GPHN: variants seen among roughly 807,000 people sequenced by gnomAD.
GPHN encodes gephyrin.
A neutral mutation model predicts 95.5 loss-of-function variants in GPHN; 17 were observed. The observed-to-expected ratio is 0.18, with a 90% CI of 0.12 to 0.27. The LOEUF is 0.27. Ranked by LOEUF, GPHN falls within the 10% of genes least tolerant of loss-of-function variation. The pLI is 1.00. For synonymous variants in GPHN, 320 were observed against 322.5 expected (o/e 0.99, Z 0.08); for missense variants, 660 against 978.1 (o/e 0.67, Z 4.34).
intron 2 of GPHN, among the ~76,000 whole-genome samples, chr14:66,731,195 T>G (rs1595718925): frequency 6.6e-6 from 1 of 152,198 alleles, no homozygotes; most frequent in African/African-American, 2.4e-5. Context: ...TTTATAGCAG[T>G]GTGAGAACAG....
the GPHN span, chr14:67,200,081 T>G: frequency 1.0e-6 from 1 of 976,908 alleles, no homozygotes; most frequent in Admixed American, 2.5e-5. Flanking sequence ...CCACCTGGAA[T>G]GCCTTATCCT....
At chr14:67,731,439 T>A in the GPHN span, among the ~76,000 whole-genome samples, 1 of 151,914 alleles carries the variant, frequency 6.6e-6, no homozygotes, top group African/African-American at 2.4e-5. Flanking sequence ...GGTCTTGAAC[T>A]CCTGACCTCA....
chr14:67,387,992 C>G, the GPHN span, among the ~76,000 whole-genome samples: 1 of 152,190 alleles, frequency 6.6e-6, no homozygotes. Flanking sequence ...GCCATCAGCA[C>G]AGAAACTGAG....
the GPHN span, among the ~76,000 whole-genome samples, chr14:67,484,819 C>G: frequency 6.6e-6 from 1 of 152,148 alleles, no homozygotes; most frequent in South Asian, 2.1e-4. Flanking sequence ...TACCATTTCT[C>G]CTTTGCAATA....
At chr14:67,147,245 A>C (rs1253957174) in intron 18 of GPHN, among the ~76,000 whole-genome samples, 2 of 152,174 alleles carry the variant, frequency 1.3e-5, no homozygotes, top group Non-Finnish European at 2.9e-5. Flanking sequence ...TTATTGTTTG[A>C]TATCTCAATA....
At chr14:66,866,650 C>A (rs961653375) in intron 4 of GPHN, among the ~76,000 whole-genome samples, 1 of 152,112 alleles carries the variant, frequency 6.6e-6, no homozygotes, top group Admixed American at 6.5e-5. Flanking sequence ...TTAGCAAATA[C>A]AGTGAGATTT....
At chr14:66,895,269 G>A (rs1032268104) in intron 5 of GPHN, among the ~76,000 whole-genome samples, 103 of 150,880 alleles carry the variant, frequency 6.8e-4, no homozygotes, top group African/African-American at 2.4e-3. Context: ...CAAAAAACCA[G>A]ACACCGCATG....
At chr14:66,796,360 A>G (rs950174345) in intron 3 of GPHN, among the ~76,000 whole-genome samples, 5 of 151,930 alleles carry the variant, frequency 3.3e-5, no homozygotes, top group African/African-American at 9.7e-5. Flanking sequence ...TGCTAATGCT[A>G]CAACTAATGC....
chr14:67,230,502 G>A, the GPHN span, among the ~76,000 whole-genome samples: 1 of 152,060 alleles, frequency 6.6e-6, no homozygotes, highest in Non-Finnish European at 1.5e-5. Context: ...AGCTCAGGAG[G>A]TCGAGGCTGC....
chr14:67,723,427 G>A, the GPHN span, among the ~76,000 whole-genome samples: 1 of 152,152 alleles, frequency 6.6e-6, no homozygotes, highest in East Asian at 1.9e-4. Flanking sequence ...GGAGATGGGG[G>A]TCTCACTATG....
At chr14:66,543,744 G>A (rs990550463) in intron 1 of GPHN, among the ~76,000 whole-genome samples, 5 of 152,010 alleles carry the variant, frequency 3.3e-5, no homozygotes, top group Non-Finnish European at 5.9e-5. Context: ...TCAAAATGAC[G>A]ATCAAACCAT....
At chr14:67,333,130 G>T in the GPHN span, 2 of 550,086 alleles carry the variant, frequency 3.6e-6, no homozygotes, top group Non-Finnish European at 6.3e-6. Context: ...GGCAGTTTGT[G>T]CATGGCATCC....
chr14:67,392,703 C>A, the GPHN span: 1 of 1,614,096 alleles, frequency 6.2e-7, no homozygotes. Flanking sequence ...AACTGCTCGG[C>A]CAGATCCCCA....
chr14:67,562,261 T>C, the GPHN span: 1 of 1,613,090 alleles, frequency 6.2e-7, no homozygotes, highest in South Asian at 1.1e-5. Flanking sequence ...AGGCCCAGGG[T>C]CTGAAGGCAG....
chr14:67,312,806 A>C, the GPHN span: 1 of 964,700 alleles, frequency 1.0e-6, no homozygotes, highest in Non-Finnish European at 1.4e-6. Context: ...GCCTCTATTT[A>C]ATAAAGTATT....
the GPHN span, chr14:67,302,291 T>A: frequency 3.8e-5 from 41 of 1,081,290 alleles, no homozygotes; most frequent in Non-Finnish European, 5.0e-5. Flanking sequence ...GTAAATAAAT[T>A]TTTTCTTAAG....
intron 4 of GPHN, among the ~76,000 whole-genome samples, chr14:66,829,401 TTCTGG>T (rs1464601487): frequency 1.3e-5 from 2 of 152,136 alleles, no homozygotes; most frequent in Non-Finnish European, 2.9e-5. Context: ...TTTCATTTTT[TTCTGG>T]TCCGATAAAG....
chr14:67,626,785 C>G, the GPHN span, among the ~76,000 whole-genome samples: 38 of 152,158 alleles, frequency 2.5e-4, 1 homozygote, highest in Non-Finnish European at 5.0e-4. Flanking sequence ...TACAAATATT[C>G]ATAGCATTAT....
the GPHN span, among the ~76,000 whole-genome samples, chr14:67,299,789 G>A: frequency 8.8e-4 from 134 of 152,232 alleles, no homozygotes; most frequent in Middle Eastern, 3.4e-3. Context: ...CTTAAAAGTG[G>A]GAATAGGGAG....
Sources: allele counts gnomAD v4.1 joint callset (sites outside exome capture counted in the v4.1 genomes callset), GRCh38; gene constraint gnomAD v4.1.1; transcripts MANE v1.5; gene names NCBI Gene and HGNC (gene_info 2026-07-23, HGNC 2026-07-21).